The following RPL10 variants were observed in gnomAD, a reference collection of about 807,000 sequenced individuals.
The protein encoded by RPL10 is ribosomal protein L10, also known as large ribosomal subunit protein uL16.
RPL10 carries 1 observed loss-of-function variant against 15.7 expected under a neutral mutation model. That is an observed-to-expected ratio of 0.06 (90% confidence interval 0.02 to 0.30). The LOEUF (loss-of-function observed/expected upper bound fraction) is 0.30. Among genes scored for constraint, RPL10 ranks in the 10% least tolerant of loss-of-function variants. The pLI, the probability that RPL10 is intolerant of heterozygous loss-of-function variation, is 1.00. For missense variants in RPL10, 54 were observed against 183.4 expected (o/e 0.29, Z 4.08); for synonymous variants, 59 against 64.0 (o/e 0.92, Z 0.37).
Position 154,400,007 on chromosome X carries a change from T to A in RPL10, c.329+66T>A, listed in dbSNP as rs1389695042. 7.7e-6 allele frequency: 9 copies of A among 1,176,270 alleles called. No homozygotes were observed. In the African/African-American group the frequency reaches 1.2e-4, roughly 16 times the overall value. On this transcript the variant is annotated intron_variant, in intron 5 of 6. Transcript: ENST00000369817. ...ACATTATTAGGCTTGCATTATTTTA[T>A]CAGAGCATAGAGGTGGCCCCAGTGA...
Position 154,400,618 on chromosome X carries a change from C to T in RPL10, c.484C>T (p.Arg162Cys), listed in dbSNP as rs372041364. 6 of 1,209,358 alleles carry T rather than the reference C, an allele frequency of 5.0e-6. No homozygotes were observed. The highest frequency in any genetic ancestry group is 2.2e-5 in the Admixed American group (1 of 45,747). ...LRRAKFKFPG[R>C]QKIHISKKWG... ...CAGGGCCAAGTTCAAGTTTCCTGGC[C>T]GCCAGAAGGTATGTAGTGCTGCAGC... Residue 162 changes from arginine (R) to cysteine (C), a missense_variant, in exon 6 of 7, where the codon CGC (arginine) becomes TGC (cysteine). Coordinates refer to ENST00000369817, the MANE Select transcript of RPL10 (RefSeq NM_006013.5).
At chrX:154,398,370 G>T (rs782306615), upstream of RPL10, 6 of 710,635 alleles carry the variant, frequency 8.4e-6, no homozygotes, top group Non-Finnish European at 1.3e-5. Context: ...CGCAGGCGGA[G>T]GAGCGCCTCT....
intron 2 of RPL10, chrX:154,399,055 G>C: frequency 2.3e-6 from 1 of 434,708 alleles, no homozygotes; most frequent in Non-Finnish European, 4.1e-6. Context: ...GTGTCTTGAA[G>C]AGAGAATTTT....
chrX:154,399,620 C>A (rs370739749), intron 4 of RPL10, 26 bp downstream of exon 4: 2 of 1,181,042 alleles, frequency 1.7e-6, no homozygotes, highest in Non-Finnish European at 2.3e-6. Flanking sequence ...TTGTTCGTCA[C>A]CCCCCAGTCC....
rs1295173665 is a variant in RPL10, at chrX:154,402,128, G to A, written c.*1274G>A. The A allele has an allele frequency of 8.6e-6, 1 of 115,804 alleles. No homozygotes were observed. The highest frequency in any genetic ancestry group is 1.8e-5 in the Non-Finnish European group (1 of 55,312). The allele number at this position is 115,804 out of a possible 1,213,427, so 9.5% of individuals were successfully genotyped here. On this transcript the variant is annotated 3_prime_UTR_variant, in exon 7 of 7. Transcript: ENST00000369817. ...TACCAACACAGACTACAGCACCCAG[G>A]AGGTGCGAGTGTGGCTGCTCAGCGG... is the stretch of plus-strand genomic sequence containing the variant.
At chrX:154,399,159 G>C (rs908648713) in intron 2 of RPL10, among the ~76,000 whole-genome samples, 179 bp from the exon 3 acceptor site, 4 of 112,199 alleles carry the variant, frequency 3.6e-5, no homozygotes, top group African/African-American at 9.8e-5. Flanking sequence ...GGTGTTGTCT[G>C]TGTTGCAGCA....
chrX:154,400,491 T>C lies in RPL10; in HGVS notation c.357T>C (p.Phe119=), dbSNP rs3211122. The C allele has an allele frequency of 1.7e-6, 2 of 1,202,299 alleles. No homozygotes were observed. Among genetic ancestry groups the C allele is most frequent in the Non-Finnish European group, 2.2e-6 (2 of 895,001 alleles). ...DRLQTGMRGA[F]GKPQGTVARV... is the part of the protein sequence containing the mutation. ...TCCAAACAGGCATGCGAGGTGCCTT[T>C]GGAAAGCCCCAGGGCACTGTGGCCA... The change falls in exon 6 of 7, where the codon TTT becomes TTC. Residue 119 remains phenylalanine (F), a synonymous_variant. Transcript: ENST00000369817.
At position 154,399,503 on chromosome X, in the gene RPL10, T is replaced by A. The variant is rs782525156; in HGVS notation, c.99T>A (p.Ile33=). ...CRGVPDAKIR[I]FDLGRKKAKV... is the part of the protein sequence containing the mutation. ...TCCTTTTAGATGCCAAGATTCGCAT[T>A]TTTGACCTGGGGCGGAAAAAGGCAA... is the stretch of plus-strand genomic sequence containing the variant. The change falls in exon 4 of 7, where the codon ATT becomes ATA. Residue 33 remains isoleucine (I), a synonymous_variant. Transcript: ENST00000369817. 8.3e-7 allele frequency: 1 copy of A among 1,211,949 alleles called. No homozygotes were observed. Among genetic ancestry groups the A allele is most frequent in the African/African-American group, 1.7e-5 (1 of 57,807 alleles).
chrX:154,401,126 A>G lies in RPL10; in HGVS notation c.*272A>G. On this transcript the variant is annotated 3_prime_UTR_variant, in exon 7 of 7. Coordinates refer to ENST00000369817, the MANE Select transcript of RPL10 (RefSeq NM_006013.5). ...CAGGTCCTAGGCAGTAGGTTGAAAAACACTGAAGTGCTTTTCATGAAGCAC... is the reference window on the plus strand; with the variant it reads ...CAGGTCCTAGGCAGTAGGTTGAAAAGCACTGAAGTGCTTTTCATGAAGCAC... 3.2e-6 allele frequency: 2 copies of G among 619,766 alleles called. No individual in the cohort carries two copies. Among genetic ancestry groups the G allele is most frequent in the Non-Finnish European group, 4.7e-6 (2 of 428,128 alleles). 51.1% of individuals were successfully genotyped at this position (619,766 alleles called of 1,213,427 possible). A position where few individuals can be genotyped will look rare whatever the true frequency, so the allele number is the denominator to read the frequency against.
At chrX:154,399,131 CTGT>C (rs1414035064) in intron 2 of RPL10, among the ~76,000 whole-genome samples, 13 of 112,302 alleles carry the variant, frequency 1.2e-4, no homozygotes, top group African/African-American at 4.2e-4. Flanking sequence ...AAGATGGTGT[CTGT>C]TGTTTCTAGT....
intron 2 of RPL10, chrX:154,398,750 G>C (rs1384372182): frequency 2.1e-6 from 1 of 479,388 alleles, no homozygotes; most frequent in East Asian, 3.7e-5. Flanking sequence ...TGGAAGCGAC[G>C]GTTCCCTCGT....
Position 154,401,757 on chromosome X carries a change from C to G in RPL10, c.*903C>G, listed in dbSNP as rs138357345. On this transcript the variant is annotated 3_prime_UTR_variant, in exon 7 of 7. Transcript: ENST00000369817. ...TTGTAATCTCAGTTTACAGCCATTT[C>G]TTAGGTTTTTAATTACCTTTATTTT... is the stretch of plus-strand genomic sequence containing the variant. 2 of 111,857 alleles carry G rather than the reference C, an allele frequency of 1.8e-5. No homozygotes were observed. The highest frequency in any genetic ancestry group is 5.5e-4 in the East Asian group (2 of 3,610). The allele number at this position is 111,857 out of a possible 1,213,427, so 9.2% of individuals were successfully genotyped here.
At chrX:154,398,441 C>G in intron 1 of RPL10, 47 bp downstream of exon 1, 1 of 1,164,182 alleles carries the variant, frequency 8.6e-7, no homozygotes, top group Non-Finnish European at 1.2e-6. Flanking sequence ...TGCTGGTTCT[C>G]ACACCTTTTA....
intron 2 of RPL10, 194 bp downstream of exon 2, chrX:154,398,736 G>T (rs1275513025): frequency 5.9e-6 from 3 of 509,686 alleles, no homozygotes; most frequent in East Asian, 7.3e-5. Flanking sequence ...TTCCCGTGTC[G>T]GTGTGGAAGC....
chrX:154,400,254 C>T (rs782197912), intron 5 of RPL10: 10 of 573,867 alleles, frequency 1.7e-5, no homozygotes, highest in South Asian at 4.5e-5. Context: ...AGCCCAGTGG[C>T]GCCTTTTCAG....
chrX:154,400,642 GCC>G lies in RPL10; in HGVS notation c.492+20_492+21del. On this transcript the variant is annotated intron_variant, in intron 6 of 6. Transcript: ENST00000369817. ...CCGCCAGAAGGTATGTAGTGCTGCA[GCC>G]CCCTTCTCCCACCTTTGCCCCAGGC... 1 of 1,211,438 alleles carries G rather than the reference GCC, an allele frequency of 8.3e-7. No homozygotes were observed. The highest frequency in any genetic ancestry group is 1.1e-6 in the Non-Finnish European group (1 of 895,258).
At chrX:154,399,710 C>A (rs2067986945) in intron 4 of RPL10, 93 bp from the exon 5 acceptor site, 4 of 1,166,579 alleles carry the variant, frequency 3.4e-6, no homozygotes, top group Non-Finnish European at 4.7e-6. Flanking sequence ...TTACAAAACT[C>A]AGCCAACACA....
At chrX:154,399,618 C>A (rs781963585) in intron 4 of RPL10, 24 bp downstream of exon 4, 1 of 1,191,113 alleles carries the variant, frequency 8.4e-7, no homozygotes, top group East Asian at 3.0e-5. Flanking sequence ...CTTTGTTCGT[C>A]ACCCCCCAGT....
chrX:154,398,681 C>T (rs1299285159), intron 2 of RPL10, 139 bp downstream of exon 2: 3 of 741,229 alleles, frequency 4.0e-6, no homozygotes, highest in Non-Finnish European at 6.2e-6. Context: ...TGTTTTACAC[C>T]TCCCGGCTAT....
Sources: allele counts gnomAD v4.1 joint callset (sites outside exome capture counted in the v4.1 genomes callset), GRCh38; gene constraint gnomAD v4.1.1; transcripts MANE v1.5; gene names NCBI Gene and HGNC (gene_info 2026-07-23, HGNC 2026-07-21).